GAPDH: variants seen among roughly 807,000 people sequenced by gnomAD.
GAPDH encodes the protein glyceraldehyde-3-phosphate dehydrogenase.
GAPDH carries 13 observed loss-of-function variants against 31.2 expected under a neutral mutation model. The observed-to-expected ratio is 0.42, with a 90% CI of 0.27 to 0.66. The LOEUF is 0.66. Among genes scored for constraint, GAPDH ranks in the 30% least tolerant of loss-of-function variants. The pLI is 0.26. For missense variants in GAPDH, 300 were observed against 443.7 expected, an observed-to-expected ratio of 0.68 and a Z score of 2.91; for synonymous variants, 211 against 166.9, an observed-to-expected ratio of 1.26 and a Z score of -2.04.
In GAPDH at chr12:6,538,282, C is replaced by A. The variant is rs141846451; in HGVS notation, c.*112C>A. The A allele has an allele frequency of 2.6e-4, 231 of 900,290 alleles. No individual in the cohort carries two copies. The African/African-American group carries it at 2.9e-3, about 11-fold the overall frequency. The allele number at this position is 900,290 out of a possible 1,614,324, so 55.8% of individuals were successfully genotyped here. A position where few individuals can be genotyped will look rare whatever the true frequency, so the allele number is the denominator to read the frequency against. On this transcript the variant is annotated 3_prime_UTR_variant, in exon 9 of 9. Transcript: ENST00000229239. ...CACCACACTGAATCTCCCCTCCTCA[C>A]AGTTGCCATGTAGACCCCTTGAAGA...
intron 2 of GAPDH, among the ~76,000 whole-genome samples, chr12:6,536,090 C>T (rs1316399322): frequency 2.6e-5 from 4 of 152,178 alleles, no homozygotes; most frequent in Admixed American, 2.0e-4. Context: ...TTACTCCTGC[C>T]CTTTGAGTTT....
Position 6,534,865 on chromosome 12 carries a change from A to G in GAPDH, c.29+4A>G, listed in dbSNP as rs1235783271. The G allele has an allele frequency of 1.2e-6, 2 of 1,612,206 alleles. No homozygotes were observed. Among genetic ancestry groups the G allele is most frequent in the African/African-American group, 1.3e-5 (1 of 74,774 alleles). ...AGGTGAAGGTCGGAGTCAACGGGTG[A>G]GTTCGCGGGTGGCTGGGGGGCCCTG... On this transcript the variant is annotated splice_donor_region_variant and intron_variant, in intron 2 of 8. Transcript: ENST00000229239.
In GAPDH at chr12:6,537,288, C is replaced by A; in HGVS notation, c.444-21C>A. 6.2e-7 allele frequency: 1 copy of A among 1,600,878 alleles called. No individual in the cohort carries two copies. Among genetic ancestry groups the A allele is most frequent in the Non-Finnish European group, 8.5e-7 (1 of 1,178,908 alleles). ...TGGACACGCTCCCCTGACTTGCGCCCCGCTCCCTCTTTCTTTGCAGCAATG... is the reference window on the plus strand; with the variant it reads ...TGGACACGCTCCCCTGACTTGCGCCACGCTCCCTCTTTCTTTGCAGCAATG... On this transcript the variant is annotated intron_variant, in intron 6 of 8. Transcript: ENST00000229239. The surrounding 1 kb of genome is among the most constrained non-coding windows in gnomAD (Gnocchi z 4.9).
At chr12:6,535,123 A>C in intron 2 of GAPDH, 3 of 882,536 alleles carry the variant, frequency 3.4e-6, no homozygotes, top group Non-Finnish European at 4.7e-6. Flanking sequence ...CTCCCGCCCG[A>C]GATCCCGACC....
chr12:6,534,953 T>C (rs1946427612), intron 2 of GAPDH, 92 bp downstream of exon 2: 14 of 1,385,400 alleles, frequency 1.0e-5, no homozygotes, highest in South Asian at 6.2e-5. Flanking sequence ...TGCAGTCGTA[T>C]GGGGGCAGGG....
Position 6,537,202 on chromosome 12 carries a change from C to A in GAPDH, c.429C>A (p.Ser143Arg). ...MGVNHEKYDN[S>R]LKIISNASCT... ...TGAACCATGAGAAGTATGACAACAG[C>A]CTCAAGATCATCAGGTGAGGAAGGC... Residue 143 changes from serine (S) to arginine (R), a missense_variant, in exon 6 of 9, where the codon AGC becomes AGA. Transcript: ENST00000229239. The surrounding 1 kb of genome is among the most constrained non-coding windows in gnomAD (Gnocchi z 4.9). The A allele has an allele frequency of 1.2e-6, 2 of 1,612,412 alleles. No homozygotes were observed. Among genetic ancestry groups the A allele is most frequent in the African/African-American group, 2.7e-5 (2 of 75,016 alleles).
At position 6,537,812 on chromosome 12, in the gene GAPDH, C is replaced by A. The variant is rs1369590538; in HGVS notation, c.754C>A (p.Pro252Thr). ...VVDLTCRLEK[P>T]AKYDDIKKVV... is the part of the protein sequence containing the mutation. ...GGACCTGACCTGCCGTCTAGAAAAACCTGCCAAATATGATGACATCAAGAA... is the reference window on the plus strand; with the variant it reads ...GGACCTGACCTGCCGTCTAGAAAAAACTGCCAAATATGATGACATCAAGAA... The change falls in exon 8 of 9, where the codon CCT becomes ACT. Residue 252 changes from proline to threonine, a missense_variant. Pro to Thr is a conservative substitution (Grantham distance 38, BLOSUM62 -1). Transcript: ENST00000229239. The surrounding 1 kb of genome is among the most constrained non-coding windows in gnomAD (Gnocchi z 4.9). 1.2e-6 allele frequency: 2 copies of A among 1,611,916 alleles called. No homozygotes were observed. Among genetic ancestry groups the A allele is most frequent in the South Asian group, 1.1e-5 (1 of 90,996 alleles).
At chr12:6,536,445 T>C in intron 2 of GAPDH, 49 bp from the exon 3 acceptor site, 1 of 1,372,102 alleles carries the variant, frequency 7.3e-7, no homozygotes, top group East Asian at 2.3e-5. Context: ...TGCTCACATA[T>C]TCTGGAGGAG....
In GAPDH at chr12:6,536,602, T is replaced by C. The variant is rs1456544585; in HGVS notation, c.129+9T>C. 18 of 1,611,648 alleles carry C rather than the reference T, an allele frequency of 1.1e-5. No individual in the cohort carries two copies. The highest frequency in any genetic ancestry group is 1.3e-5 in the Non-Finnish European group (15 of 1,178,088). The stretch of plus-strand genomic sequence containing the variant: ...TTGACCTCAACTACATGGTGAGTGC[T>C]ACATGGTGAGCCCCAAAGCTGGTGT... On this transcript the variant is annotated intron_variant, in intron 3 of 8. Transcript: ENST00000229239.
intron 8 of GAPDH, 48 bp from the exon 9 acceptor site, chr12:6,538,053 G>A: frequency 6.3e-7 from 1 of 1,599,416 alleles, no homozygotes; most frequent in South Asian, 1.2e-5. Context: ...GGCGCCCTCT[G>A]GTGGCTGGCT....
In GAPDH at chr12:6,537,271, C is replaced by T. The variant is rs766044440; in HGVS notation, c.444-38C>T. The T allele has an allele frequency of 6.3e-7, 1 of 1,598,290 alleles. No individual in the cohort carries two copies. The highest frequency in any genetic ancestry group is 8.5e-7 in the Non-Finnish European group (1 of 1,176,448). ...GCCAGCCTGGCACCCTATGGACACGCTCCCCTGACTTGCGCCCCGCTCCCT... is the reference window on the plus strand; with the variant it reads ...GCCAGCCTGGCACCCTATGGACACGTTCCCCTGACTTGCGCCCCGCTCCCT... On this transcript the variant is annotated intron_variant, in intron 6 of 8. Coordinates refer to ENST00000229239, the MANE Select transcript of GAPDH (RefSeq NM_002046.7). This position sits in a 1 kb window ranked among gnomAD's most constrained non-coding sequence, Gnocchi z 4.9.
rs1452504877 is a variant in GAPDH at position 6,538,141 on chromosome 12, C to G, written c.979C>G (p.Leu327Val). 7.4e-6 allele frequency: 12 copies of G among 1,612,606 alleles called. No individual in the cohort carries two copies. Among genetic ancestry groups the G allele is most frequent in the Non-Finnish European group, 1.0e-5 (12 of 1,179,942 alleles). Residue 327 changes from leucine (L) to valine (V), a missense_variant, in exon 9 of 9, where the codon CTC becomes GTC. Transcript: ENST00000229239. ...TGGCTACAGCAACAGGGTGGTGGAC[C>G]TCATGGCCCACATGGCCTCCAAGGA... ...EFGYSNRVVD[L>V]MAHMASKE
rs111385796 is a variant in GAPDH, at chr12:6,538,221, C to T, written c.*51C>T. 26 of 1,468,314 alleles carry T rather than the reference C, an allele frequency of 1.8e-5. No homozygotes were observed. The African/African-American group carries it at 1.8e-4, about 10-fold the overall frequency. The allele number at this position is 1,468,314 out of a possible 1,614,324, so 91.0% of individuals were successfully genotyped here. A position where few individuals can be genotyped will look rare whatever the true frequency, so the allele number is the denominator to read the frequency against. On this transcript the variant is annotated 3_prime_UTR_variant, in exon 9 of 9. Transcript: ENST00000229239. ...AGAGCACAAGAGGAAGAGAGAGACC[C>T]TCACTGCTGGGGAGTCCCTGCCACA... is the stretch of plus-strand genomic sequence containing the variant.
In GAPDH at chr12:6,537,630, C is replaced by T. The variant is rs1565554676; in HGVS notation, c.572C>T (p.Pro191Leu). 5.0e-6 allele frequency: 8 copies of T among 1,611,784 alleles called. No homozygotes were observed. Among genetic ancestry groups the T allele is most frequent in the Non-Finnish European group, 6.8e-6 (8 of 1,179,832 alleles). ...ITATQKTVDG[P>L]SGKLWRDGRG... ...GCCACCCAGAAGACTGTGGATGGCC[C>T]CTCCGGGAAACTGTGGCGTGATGGC... is the stretch of plus-strand genomic sequence containing the variant. The change falls in exon 8 of 9, where the codon CCC becomes CTC. Residue 191 changes from proline to leucine, a missense_variant. Transcript: ENST00000229239. The surrounding 1 kb of genome is among the most constrained non-coding windows in gnomAD (Gnocchi z 4.9).
chr12:6,537,464 C>T lies in GAPDH; in HGVS notation c.525+74C>T, dbSNP rs528294601. ...GACTGGCTCCTCCCTGCCGGGGCTG[C>T]GTGCAACCCTGGGGTTGGGGGTTCT... On this transcript the variant is annotated intron_variant, in intron 7 of 8. Coordinates refer to ENST00000229239, the MANE Select transcript of GAPDH (RefSeq NM_002046.7). The surrounding 1 kb of genome is among the most constrained non-coding windows in gnomAD (Gnocchi z 4.9). 33 of 1,579,584 alleles carry T rather than the reference C, an allele frequency of 2.1e-5. No individual in the cohort carries two copies. The African/African-American group carries it at 2.8e-4, about 14-fold the overall frequency.
chr12:6,534,831 C>T lies in GAPDH; in HGVS notation c.-2C>T, dbSNP rs1040520851. 1 of 1,613,606 alleles carries T rather than the reference C, an allele frequency of 6.2e-7. No homozygotes were observed. The highest frequency in any genetic ancestry group is 2.2e-5 in the East Asian group (1 of 44,858). ...GCAGCCGAGCCACATCGCTCAGACA[C>T]CATGGGGAAGGTGAAGGTCGGAGTC... On this transcript the variant is annotated 5_prime_UTR_variant, in exon 2 of 9. Transcript: ENST00000229239.
chr12:6,534,875 T>C lies in GAPDH; in HGVS notation c.29+14T>C, dbSNP rs1161752221. ...CGGAGTCAACGGGTGAGTTCGCGGG[T>C]GGCTGGGGGGCCCTGGGCTGCGACC... On this transcript the variant is annotated intron_variant, in intron 2 of 8. Coordinates refer to ENST00000229239, the MANE Select transcript of GAPDH (RefSeq NM_002046.7). 27 of 1,612,462 alleles carry C rather than the reference T, an allele frequency of 1.7e-5. No individual in the cohort carries two copies. Among genetic ancestry groups the C allele is most frequent in the Non-Finnish European group, 2.1e-5 (25 of 1,179,324 alleles).
At position 6,538,185 on chromosome 12, in the gene GAPDH, C is replaced by T. The variant is rs755481983; in HGVS notation, c.*15C>T. ...CCAAGGAGTAAGACCCCTGGACCAC[C>T]AGCCCCAGCAAGAGCACAAGAGGAA... On this transcript the variant is annotated 3_prime_UTR_variant, in exon 9 of 9. Coordinates refer to ENST00000229239, the MANE Select transcript of GAPDH (RefSeq NM_002046.7). The T allele has an allele frequency of 1.2e-6, 2 of 1,600,100 alleles. No individual in the cohort carries two copies. Among genetic ancestry groups the T allele is most frequent in the Non-Finnish European group, 1.7e-6 (2 of 1,176,060 alleles).
chr12:6,538,344 C>A lies in GAPDH; in HGVS notation c.*174C>A. 1.6e-6 allele frequency: 1 copy of A among 612,980 alleles called. No homozygotes were observed. 38.0% of individuals were successfully genotyped at this position (612,980 alleles called of 1,614,324 possible). A position where few individuals can be genotyped will look rare whatever the true frequency, so the allele number is the denominator to read the frequency against. ...TAGGGAGCCGCACCTTGTCATGTAC[C>A]ATCAATAAAGTACCCTGTGCTCAAC... On this transcript the variant is annotated 3_prime_UTR_variant, in exon 9 of 9. Coordinates refer to ENST00000229239, the MANE Select transcript of GAPDH (RefSeq NM_002046.7).
Sources: gnomAD v4.1 joint callset for allele counts (sites outside exome capture counted in the v4.1 genomes callset) on GRCh38, gnomAD v4.1.1 for gene constraint, Gnocchi (gnomAD v3.1) non-coding constraint, MANE v1.5 for transcripts, NCBI Gene and HGNC (gene_info 2026-07-23, HGNC 2026-07-21) for gene names.